RIC1: variants seen among roughly 807,000 people sequenced by gnomAD.
RIC1 encodes guanine nucleotide exchange factor subunit RIC1.
Under a neutral mutation model 169.0 loss-of-function variants are expected in RIC1, and 88 were observed. The ratio of observed to expected loss-of-function variants is 0.52; its 90% CI spans 0.44 to 0.62. RIC1 has a LOEUF of 0.62. RIC1 is among the 20% of genes least tolerant of loss of function. The pLI, the probability that RIC1 is intolerant of heterozygous loss-of-function variation, is 0.00. For missense variants in RIC1, 1,877 were observed against 1,725.5 expected (o/e 1.09, Z -1.56); for synonymous variants, 790 against 601.5 (o/e 1.31, Z -4.59).
At chr9:5,717,015 A>C (rs1174237527) in intron 4 of RIC1, among the ~76,000 whole-genome samples, 22 of 152,180 alleles carry the variant, frequency 1.4e-4, no homozygotes, top group Admixed American at 1.4e-3. Flanking sequence ...TTAAATGAGA[A>C]GGATATATCT....
intron 4 of RIC1, 98 bp from the exon 5 acceptor site, chr9:5,720,084 G>A (rs1033915480): frequency 2.3e-6 from 2 of 854,196 alleles, no homozygotes; most frequent in Non-Finnish European, 3.6e-6. Flanking sequence ...ATGGTTTCAT[G>A]ATCATTTTTG....
chr9:5,676,159 C>T (rs10975228), intron 2 of RIC1, among the ~76,000 whole-genome samples: 44,406 of 152,060 alleles, frequency 0.29, 7,688 homozygotes, highest in East Asian at 0.58. Context: ...TTAAGTGATA[C>T]GCCCACCTCA....
At chr9:5,700,395 T>G (rs768063625) in intron 3 of RIC1, among the ~76,000 whole-genome samples, 3 of 152,270 alleles carry the variant, frequency 2.0e-5, no homozygotes, top group South Asian at 2.1e-4. Flanking sequence ...ATCTGAATAT[T>G]TATTTAGAGT....
chr9:5,651,895 G>A (rs752802856), intron 1 of RIC1, among the ~76,000 whole-genome samples: 16 of 152,092 alleles, frequency 1.1e-4, no homozygotes, highest in Non-Finnish European at 1.2e-4. Flanking sequence ...AATGAGTTTT[G>A]TGTATAGTAA....
chr9:5,713,550 A>T, intron 3 of RIC1: 1 of 195,508 alleles, frequency 5.1e-6, no homozygotes, highest in Non-Finnish European at 1.1e-5. Context: ...ACTTTTTTCC[A>T]TAGTTGTCCA....
At chr9:5,665,889 G>A (rs1819721923) in intron 2 of RIC1, among the ~76,000 whole-genome samples, 1 of 152,178 alleles carries the variant, frequency 6.6e-6, no homozygotes, top group Non-Finnish European at 1.5e-5. Flanking sequence ...ACCTCTGTTG[G>A]GAGATGTCAC....
In RIC1 at chr9:5,720,179, C is replaced by T. The variant is rs369021163; in HGVS notation, c.441-3C>T. On this transcript the variant is annotated splice_polypyrimidine_tract_variant and splice_region_variant and intron_variant, in intron 4 of 25. Transcript: ENST00000414202. ...CTTAAAAATTAATTGATTCTACCTA[C>T]AGTTTGCAGTCTGTGTTGGAAGATC... The T allele has an allele frequency of 6.2e-6, 10 of 1,608,470 alleles. No individual in the cohort carries two copies. The East Asian group carries it at 8.9e-5, about 14-fold the overall frequency.
intron 25 of RIC1, 188 bp downstream of exon 25, chr9:5,773,268 A>G: frequency 4.4e-6 from 1 of 227,038 alleles, no homozygotes; most frequent in Admixed American, 5.6e-5. Flanking sequence ...TAAATGGATA[A>G]TTCCATCGAG....
At chr9:5,720,815 AT>A in intron 6 of RIC1, 65 bp downstream of exon 6, 3 of 1,321,338 alleles carry the variant, frequency 2.3e-6, no homozygotes, top group Non-Finnish European at 3.1e-6. Flanking sequence ...TTGTTATCAA[AT>A]TCTTCTCTAT....
At chr9:5,686,128 C>G (rs896134583) in intron 2 of RIC1, among the ~76,000 whole-genome samples, 1 of 150,998 alleles carries the variant, frequency 6.6e-6, no homozygotes, top group Non-Finnish European at 1.5e-5. Flanking sequence ...CAGGAAACAA[C>G]AGGTGCTGGA....
At chr9:5,701,797 C>T (rs2130775064) in intron 3 of RIC1, among the ~76,000 whole-genome samples, 1 of 152,174 alleles carries the variant, frequency 6.6e-6, no homozygotes, top group Middle Eastern at 3.4e-3. Context: ...AGTGAGAAAA[C>T]CATCATAATT....
chr9:5,681,626 T>C (rs1002159391), intron 2 of RIC1, among the ~76,000 whole-genome samples: 1 of 152,202 alleles, frequency 6.6e-6, no homozygotes, highest in Non-Finnish European at 1.5e-5. Flanking sequence ...TCTGTTGATT[T>C]GGGGTGGAGA....
intron 3 of RIC1, among the ~76,000 whole-genome samples, chr9:5,709,988 G>A (rs1028378747): frequency 3.9e-5 from 6 of 152,056 alleles, no homozygotes; most frequent in Non-Finnish European, 7.4e-5. Context: ...TCTTTCTCTT[G>A]ATAATCACCA....
intron 2 of RIC1, among the ~76,000 whole-genome samples, chr9:5,672,962 C>T (rs1000399764): frequency 5.3e-5 from 8 of 152,084 alleles, no homozygotes; most frequent in Admixed American, 1.3e-4. Flanking sequence ...GACAGGATGT[C>T]CTTTATCTCG....
Position 5,772,898 on chromosome 9 carries a change from G to T in RIC1, c.3801G>T (p.Leu1267Phe). 6.2e-7 allele frequency: 1 copy of T among 1,610,910 alleles called. No individual in the cohort carries two copies. Among genetic ancestry groups the T allele is most frequent in the African/African-American group, 1.3e-5 (1 of 74,846 alleles). ...TGTTTCTGCTTATATTTAGGTATTT[G>T]CTACACATTTTCATGGAGGCAGGGT... The part of the protein sequence containing the change: ...PHKSQVQLRY[L>F]LHIFMEAGCL... The change falls in exon 25 of 26, where the codon TTG becomes TTT. Residue 1267 changes from leucine to phenylalanine, a missense_variant. Coordinates refer to ENST00000414202, the MANE Select transcript of RIC1 (RefSeq NM_020829.4).
chr9:5,768,345 G>A (rs943131254), intron 21 of RIC1, among the ~76,000 whole-genome samples: 1 of 152,120 alleles, frequency 6.6e-6, no homozygotes, highest in African/African-American at 2.4e-5. Flanking sequence ...GGGCAACACA[G>A]CAAGATCCCA....
At chr9:5,681,220 C>G (rs1023572598) in intron 2 of RIC1, among the ~76,000 whole-genome samples, 1 of 151,986 alleles carries the variant, frequency 6.6e-6, no homozygotes, top group Non-Finnish European at 1.5e-5. Context: ...AATGTGTTTG[C>G]TCTTGCTTCT....
rs60899601 is a variant in RIC1 at position 5,675,703 on chromosome 9, GA to G, written c.253-14251del. Among the ~76,000 whole-genome samples the G allele has an allele frequency of 5.3e-4, 81 of 152,138 alleles. 1 individual carries two copies. Among genetic ancestry groups the G allele is most frequent in the African/African-American group, 1.7e-3 (71 of 41,488 alleles). On this transcript the variant is annotated intron_variant, in intron 2 of 25. Coordinates refer to ENST00000414202, the MANE Select transcript of RIC1 (RefSeq NM_020829.4). ...ACTGTCTAGTGGGAATTTTAGGGGG[GA>G]AAAATGTACATACAAAATGGCCTAC...
chr9:5,757,047 A>G (rs933167254), intron 16 of RIC1, among the ~76,000 whole-genome samples: 2 of 152,080 alleles, frequency 1.3e-5, no homozygotes, highest in Non-Finnish European at 2.9e-5. Flanking sequence ...TTTTCCACTT[A>G]AATATTTGTA....
Sources: gnomAD v4.1 joint callset for allele counts (sites outside exome capture counted in the v4.1 genomes callset) on GRCh38, gnomAD v4.1.1 for gene constraint, MANE v1.5 for transcripts, NCBI Gene and HGNC (gene_info 2026-07-23, HGNC 2026-07-21) for gene names.